The following ERMP1 variants were observed in gnomAD, a reference collection of about 807,000 sequenced individuals.
The protein encoded by ERMP1 is Felix-ina.
A neutral mutation model predicts 92.0 loss-of-function variants in ERMP1; 86 were observed. The observed-to-expected ratio is 0.93, with a 90% CI of 0.79 to 1.12. The LOEUF is 1.12. Ranked by LOEUF, ERMP1 falls within the 50% of genes most tolerant of loss-of-function variation. The probability of loss-of-function intolerance (pLI) is 0.00; values close to 1 mark genes in which losing one functional copy is unlikely to be tolerated. For missense variants in ERMP1, 1,342 were observed against 1,116.3 expected, an observed-to-expected ratio of 1.20 and a Z score of -2.88; for synonymous variants, 530 against 412.8, an observed-to-expected ratio of 1.28 and a Z score of -3.44.
chr9:5,845,380 T>C (rs895227635), intron 6 of ERMP1, among the ~76,000 whole-genome samples: 2 of 152,044 alleles, frequency 1.3e-5, no homozygotes, highest in Non-Finnish European at 1.5e-5. Flanking sequence ...CTGGGCAACA[T>C]AGCAAGACCC....
chr9:5,812,144 T>C lies in ERMP1; in HGVS notation c.1095A>G (p.Thr365=). The change falls in exon 6 of 15, where the codon ACA becomes ACG. Residue 365 remains threonine, a synonymous_variant. Transcript: ENST00000339450. The part of the protein sequence containing the change: ...TKYDTADRIL[T]DSIQRAGDNI... ...ACCAACCTGCTCTCTGAATGGAATC[T>C]GTTAGAATTCTGTCCGCTGTGTCAT... 6.2e-7 allele frequency: 1 copy of C among 1,607,960 alleles called. No individual in the cohort carries two copies. The highest frequency in any genetic ancestry group is 8.5e-7 in the Non-Finnish European group (1 of 1,176,454).
At chr9:5,797,031 C>T (rs1301050623) in intron 13 of ERMP1, among the ~76,000 whole-genome samples, 1 of 150,492 alleles carries the variant, frequency 6.6e-6, no homozygotes, top group Admixed American at 6.6e-5. Flanking sequence ...TAACATTGCT[C>T]CAAAAAATAA....
intron 9 of ERMP1, 138 bp from the exon 10 acceptor site, chr9:5,805,355 T>G (rs569245324): frequency 2.8e-6 from 2 of 706,210 alleles, no homozygotes. Flanking sequence ...GTATGTTATC[T>G]TGGAGTAGGA....
chr9:5,804,880 C>T (rs770360176), intron 10 of ERMP1, 147 bp downstream of exon 10: 81 of 641,152 alleles, frequency 1.3e-4, no homozygotes, highest in Non-Finnish European at 1.9e-4. Flanking sequence ...ACCAAATTTA[C>T]AAGATGCATG....
intron 11 of ERMP1, among the ~76,000 whole-genome samples, chr9:5,800,505 G>C (rs1828627163): frequency 6.6e-6 from 1 of 152,002 alleles, no homozygotes; most frequent in Non-Finnish European, 1.5e-5. Flanking sequence ...GTGAAACCCT[G>C]TCTCCACTAA....
intron 12 of ERMP1, 71 bp downstream of exon 12, chr9:5,798,735 T>C: frequency 1.1e-6 from 1 of 923,248 alleles, no homozygotes; most frequent in Non-Finnish European, 1.7e-6. Flanking sequence ...GCAGTTTAAA[T>C]GATAAGAGTA....
intron 6 of ERMP1, among the ~76,000 whole-genome samples, chr9:5,844,662 GGTCAGA>G (rs1830213360): frequency 6.6e-6 from 1 of 152,150 alleles, no homozygotes; most frequent in Non-Finnish European, 1.5e-5. Context: ...GGAGCCGCTT[GGTCAGA>G]AGAGCAGGAA....
At chr9:5,806,428 C>CTT (rs772362220) in intron 8 of ERMP1, among the ~76,000 whole-genome samples, 9 of 140,262 alleles carry the variant, frequency 6.4e-5, no homozygotes, top group African/African-American at 1.3e-4. Flanking sequence ...GCCATATAAA[C>CTT]TTTTTTTTTT....
intron 1 of ERMP1, 52 bp downstream of exon 1, chr9:5,832,638 G>A (rs374404749): frequency 1.1e-5 from 14 of 1,319,822 alleles, no homozygotes; most frequent in Middle Eastern, 2.7e-4. Context: ...CGGAGCCTGC[G>A]CAGGAGCCGC....
At chr9:5,801,790 C>A (rs1209752348) in intron 10 of ERMP1, among the ~76,000 whole-genome samples, 1 of 151,996 alleles carries the variant, frequency 6.6e-6, no homozygotes, top group Admixed American at 6.6e-5. Flanking sequence ...TAGAGATGTA[C>A]CTTCAAGACT....
intron 6 of ERMP1, among the ~76,000 whole-genome samples, chr9:5,854,310 C>T (rs1260272957): frequency 6.6e-6 from 1 of 152,082 alleles, no homozygotes; most frequent in Non-Finnish European, 1.5e-5. Context: ...AAAGATTTTG[C>T]TTTCTCATCA....
chr9:5,846,410 C>A (rs188485193), intron 6 of ERMP1, among the ~76,000 whole-genome samples: 19 of 152,316 alleles, frequency 1.2e-4, no homozygotes, highest in African/African-American at 4.6e-4. Context: ...GCTGTTTCCT[C>A]ATCTGTAAAA....
upstream of ERMP1, among the ~76,000 whole-genome samples, chr9:5,838,105 A>C (rs967578694): frequency 5.9e-5 from 9 of 152,212 alleles, no homozygotes; most frequent in African/African-American, 2.2e-4. Context: ...CTCCAAAAAA[A>C]AAGAAAAAAG....
chr9:5,799,041 CA>C, intron 11 of ERMP1, 33 bp from the exon 12 acceptor site: 1 of 1,504,172 alleles, frequency 6.6e-7, no homozygotes, highest in Non-Finnish European at 9.2e-7. Flanking sequence ...AAAACTGTTT[CA>C]ACTAGTACAC....
Position 5,784,711 on chromosome 9 carries a change from G to T in ERMP1, c.*2433C>A, listed in dbSNP as rs370416165. 4 of 152,520 alleles carry T rather than the reference G, an allele frequency of 2.6e-5. No homozygotes were observed. Among genetic ancestry groups the T allele is most frequent in the South Asian group, 2.1e-4 (1 of 4,830 alleles). The allele number at this position is 152,520 out of a possible 1,614,324, so 9.4% of individuals were successfully genotyped here. On this transcript the variant is annotated 3_prime_UTR_variant, in exon 15 of 15. Transcript: ENST00000339450. ...AGGCTGGCTTGTGGCCCCCTGGGTG[G>T]TAACATCTTAAGGAATCCTATCATG...
Position 5,811,154 on chromosome 9 carries a change from A to G in ERMP1, c.1284T>C (p.Val428=). 6.2e-7 allele frequency: 1 copy of G among 1,614,070 alleles called. No homozygotes were observed. ...AAAATTTTTTGCCCAGGTACAAAAC[A>G]ACACCCATTACCACCATGTAGTTTA... ...SIINYMVVMG[V]VLYLGKKFLQ... Residue 428 remains valine, a synonymous_variant, in exon 7 of 15, where the codon GTT becomes GTC. Coordinates refer to ENST00000339450, the MANE Select transcript of ERMP1 (RefSeq NM_024896.3).
At chr9:5,826,725 C>T (rs547181509) in intron 2 of ERMP1, among the ~76,000 whole-genome samples, 2 of 152,144 alleles carry the variant, frequency 1.3e-5, no homozygotes, top group African/African-American at 4.8e-5. Flanking sequence ...GTGTCACCTT[C>T]CAAAAACCTA....
At chr9:5,815,623 T>C (rs551112921) in intron 4 of ERMP1, among the ~76,000 whole-genome samples, 16 of 152,178 alleles carry the variant, frequency 1.1e-4, no homozygotes, top group Non-Finnish European at 1.9e-4. Context: ...ATAAAAATGC[T>C]TGGGGACAAG....
chr9:5,852,295 A>G (rs1009351480), intron 6 of ERMP1, among the ~76,000 whole-genome samples: 1 of 149,978 alleles, frequency 6.7e-6, no homozygotes, highest in Non-Finnish European at 1.5e-5. Flanking sequence ...ACAGCGTCTC[A>G]TTCTGTCATG....
Sources: allele counts gnomAD v4.1 joint callset (sites outside exome capture counted in the v4.1 genomes callset), GRCh38; gene constraint gnomAD v4.1.1; transcripts MANE v1.5; gene names NCBI Gene and HGNC (gene_info 2026-07-23, HGNC 2026-07-21).